The following MAPRE3 variants were observed in gnomAD, a reference collection of about 807,000 sequenced individuals.
MAPRE3 encodes the protein microtubule associated protein RP/EB family member 3, also known as microtubule-associated protein RP/EB family member 3.
MAPRE3 carries 2 observed loss-of-function variants against 30.5 expected under a neutral mutation model. That is an observed-to-expected ratio of 0.07 (90% confidence interval 0.03 to 0.21). MAPRE3 has a LOEUF of 0.21. Among genes scored for constraint, MAPRE3 ranks in the 10% least tolerant of loss-of-function variants. The pLI is 1.00. For synonymous variants in MAPRE3, 110 were observed against 127.7 expected, an observed-to-expected ratio of 0.86 and a Z score of 0.93; for missense variants, 204 against 351.8, an observed-to-expected ratio of 0.58 and a Z score of 3.36.
At chr2:26,995,723 T>C (rs1001848711) in intron 1 of MAPRE3, among the ~76,000 whole-genome samples, 2 of 150,754 alleles carry the variant, frequency 1.3e-5, no homozygotes, top group African/African-American at 2.4e-5. Context: ...CTTAAGTAGG[T>C]TGGAGGCCAA....
intron 1 of MAPRE3, among the ~76,000 whole-genome samples, chr2:26,995,825 G>GTGTGTGTGTGTGTGTGTGTGTGTA (rs1473997599): frequency 2.7e-5 from 4 of 149,330 alleles, no homozygotes; most frequent in South Asian, 2.2e-4. Context: ...GTGTGTGTGT[G>GTGTGTGTGTGTGTGTGTGTGTGTA]TGTGTATGTG....
chr2:27,023,667 C>A (rs1473194206), intron 3 of MAPRE3, 190 bp downstream of exon 3: 2 of 639,306 alleles, frequency 3.1e-6, no homozygotes, highest in Admixed American at 2.5e-5. Flanking sequence ...ACTTGCCATG[C>A]CATCATGACA....
chr2:27,018,825 C>T (rs945148977), intron 1 of MAPRE3, among the ~76,000 whole-genome samples: 2 of 152,024 alleles, frequency 1.3e-5, no homozygotes, highest in Admixed American at 6.6e-5. Context: ...GTGTAGAACC[C>T]GAAAGTGAAT....
intron 1 of MAPRE3, among the ~76,000 whole-genome samples, chr2:27,016,666 G>A (rs1314860435): frequency 1.3e-5 from 2 of 152,142 alleles, no homozygotes; most frequent in Non-Finnish European, 2.9e-5. Context: ...TTACAGGCGT[G>A]AGCCACCGCG....
chr2:26,987,856 G>A (rs1265464176), intron 1 of MAPRE3, among the ~76,000 whole-genome samples: 1 of 152,200 alleles, frequency 6.6e-6, no homozygotes, highest in Admixed American at 6.5e-5. Context: ...GAAACACTAT[G>A]AGAAATTATG....
At chr2:27,021,520 C>T (rs948697746) in intron 1 of MAPRE3, among the ~76,000 whole-genome samples, 1 of 152,220 alleles carries the variant, frequency 6.6e-6, no homozygotes, top group Admixed American at 6.5e-5. Context: ...GAAGTCGGAG[C>T]AGAGGCAAAG....
chr2:27,020,564 TC>T (rs1285170409), intron 1 of MAPRE3, among the ~76,000 whole-genome samples: 1 of 152,228 alleles, frequency 6.6e-6, no homozygotes, highest in African/African-American at 2.4e-5. Context: ...CACTGCTGGC[TC>T]CACTCCAACT....
At chr2:26,998,615 G>GA (rs1666518381) in intron 1 of MAPRE3, among the ~76,000 whole-genome samples, 1 of 152,236 alleles carries the variant, frequency 6.6e-6, no homozygotes, top group Admixed American at 6.5e-5. Context: ...CAATAGGGCT[G>GA]AAAAAAATCC....
chr2:26,996,067 GT>G (rs1294383140), intron 1 of MAPRE3, among the ~76,000 whole-genome samples: 3 of 151,856 alleles, frequency 2.0e-5, no homozygotes, highest in Non-Finnish European at 4.4e-5. Flanking sequence ...TGCTTCTGGG[GT>G]TTGTTCTTGG....
intron 1 of MAPRE3, among the ~76,000 whole-genome samples, chr2:27,016,661 G>C (rs1426986076): frequency 6.6e-6 from 1 of 152,156 alleles, no homozygotes; most frequent in Non-Finnish European, 1.5e-5. Context: ...TGGGATTACA[G>C]GCGTGAGCCA....
At chr2:26,972,476 C>T (rs1264815362) in intron 1 of MAPRE3, among the ~76,000 whole-genome samples, 1 of 152,220 alleles carries the variant, frequency 6.6e-6, no homozygotes, top group East Asian at 1.9e-4. Context: ...AGCCCCCATC[C>T]AGCAGGGCAG....
chr2:27,019,102 C>T (rs1340423441), intron 1 of MAPRE3, among the ~76,000 whole-genome samples: 1 of 151,944 alleles, frequency 6.6e-6, no homozygotes, highest in Non-Finnish European at 1.5e-5. Context: ...CCATGTTGGC[C>T]AGGCTGGTCT....
intron 1 of MAPRE3, chr2:26,995,498 A>T (rs982938882): frequency 6.6e-6 from 1 of 152,228 alleles, no homozygotes; most frequent in Non-Finnish European, 1.5e-5. Flanking sequence ...GGATGTGTCA[A>T]CAAGACTCAA....
Position 27,015,973 on chromosome 2 carries a change from T to C in MAPRE3, c.-7-6239T>C, listed in dbSNP as rs1327793774. 1.3e-5 allele frequency among the ~76,000 whole-genome samples: 2 copies of C among 152,194 alleles called. No individual in the cohort carries two copies. Among genetic ancestry groups the C allele is most frequent in the Non-Finnish European group, 2.9e-5 (2 of 68,030 alleles). Reference sequence around the variant, plus strand: ...GAGAGCTGTAATTGCCTTTCCCAGTTGCCTGTGAATGCACCATGAACCTTA... The same window carrying C: ...GAGAGCTGTAATTGCCTTTCCCAGTCGCCTGTGAATGCACCATGAACCTTA... On this transcript the variant is annotated intron_variant, in intron 1 of 6. Transcript: ENST00000233121. This position sits in a 1 kb window ranked among gnomAD's most constrained non-coding sequence, Gnocchi z 4.0.
At chr2:26,984,433 TTTTCA>T (rs1228940966) in intron 1 of MAPRE3, among the ~76,000 whole-genome samples, 1 of 152,224 alleles carries the variant, frequency 6.6e-6, no homozygotes, top group Non-Finnish European at 1.5e-5. Context: ...ATCTAACTAT[TTTTCA>T]TTTGTAGAAA....
At chr2:26,995,959 G>T (rs1287557083) in intron 1 of MAPRE3, among the ~76,000 whole-genome samples, 1 of 151,670 alleles carries the variant, frequency 6.6e-6, no homozygotes, top group Non-Finnish European at 1.5e-5. Flanking sequence ...CAGCTTGCTT[G>T]GCCCATTCAT....
Position 26,970,647 on chromosome 2 carries a change from TC to T in MAPRE3, c.-158del, listed in dbSNP as rs901765586. ...GCATCGCGCCTGCGCAGTGCCCTCG[TC>T]CCCCGCAGTCTCTGTGCGTTGAAGC... is the stretch of plus-strand genomic sequence containing the variant. On this transcript the variant is annotated 5_prime_UTR_variant, in exon 1 of 7. Transcript: ENST00000233121. The T allele has an allele frequency of 1.4e-4, 22 of 152,294 alleles. No individual in the cohort carries two copies. Among genetic ancestry groups the T allele is most frequent in the Non-Finnish European group, 2.5e-4 (17 of 68,028 alleles). The allele number at this position is 152,294 out of a possible 1,614,324, so 9.4% of individuals were successfully genotyped here.
chr2:27,006,566 G>T (rs1410233804), intron 1 of MAPRE3, among the ~76,000 whole-genome samples: 1 of 152,164 alleles, frequency 6.6e-6, no homozygotes, highest in Non-Finnish European at 1.5e-5. Context: ...AAGTAGCTGG[G>T]ACTACAGGCA....
chr2:27,007,987 C>A (rs181631287), intron 1 of MAPRE3, among the ~76,000 whole-genome samples: 105 of 152,186 alleles, frequency 6.9e-4, no homozygotes, highest in African/African-American at 2.3e-3. Flanking sequence ...TATGATGAGT[C>A]CTTTCTCTAT....
Sources: gnomAD v4.1 joint callset for allele counts (sites outside exome capture counted in the v4.1 genomes callset) on GRCh38, gnomAD v4.1.1 for gene constraint, Gnocchi (gnomAD v3.1) non-coding constraint, MANE v1.5 for transcripts, NCBI Gene and HGNC (gene_info 2026-07-23, HGNC 2026-07-21) for gene names.